Variants in EXT1 observed in about 807,000 individuals in gnomAD.
The protein encoded by EXT1 is exostosin-1.
Under a neutral mutation model 82.5 loss-of-function variants are expected in EXT1, and 20 were observed. The ratio of observed to expected loss-of-function variants is 0.24; its 90% CI spans 0.17 to 0.35. The LOEUF is 0.35. Ranked by LOEUF, EXT1 falls within the 10% of genes least tolerant of loss-of-function variation. The pLI, the probability that EXT1 is intolerant of heterozygous loss-of-function variation, is 1.00. For missense variants in EXT1, 757 were observed against 936.5 expected (o/e 0.81, Z 2.50); for synonymous variants, 348 against 350.8 (o/e 0.99, Z 0.09).
chr8:117,914,643 T>C (rs904627381), intron 1 of EXT1, among the ~76,000 whole-genome samples: 4 of 152,166 alleles, frequency 2.6e-5, no homozygotes, highest in African/African-American at 7.2e-5. Context: ...TCTGGGAATG[T>C]CTATCTTATG....
chr8:117,973,595 C>A lies in EXT1; in HGVS notation c.963-136394G>T, dbSNP rs577271886. Among the ~76,000 whole-genome samples the A allele has an allele frequency of 9.6e-4, 146 of 151,900 alleles. 1 individual carries two copies. The highest frequency in any genetic ancestry group is 3.4e-3 in the African/African-American group (142 of 41,390). On this transcript the variant is annotated intron_variant, in intron 1 of 10. Coordinates refer to ENST00000378204, the MANE Select transcript of EXT1 (RefSeq NM_000127.3). ...ATCAGTCTGGGCAACATAATGAGTC[C>A]CTGACTCCAAAATAATTTAAACATT... is the stretch of plus-strand genomic sequence containing the variant.
At position 118,104,964 on chromosome 8, in the gene EXT1, C is replaced by A. The variant is rs149761465; in HGVS notation, c.962+5121G>T. On this transcript the variant is annotated intron_variant, in intron 1 of 10. Coordinates refer to ENST00000378204, the MANE Select transcript of EXT1 (RefSeq NM_000127.3). ...GTGAGGTAGCAATGAATGTTCTTCT[C>A]TCCGTGAAAAGAACAGACAACTCGG... Among the ~76,000 whole-genome samples the A allele has an allele frequency of 8.0e-4, 122 of 152,312 alleles. 1 individual carries two copies. Among genetic ancestry groups the A allele is most frequent in the East Asian group, 7.1e-3 (37 of 5,186 alleles).
chr8:118,029,040 G>A (rs1816253030), intron 1 of EXT1, among the ~76,000 whole-genome samples: 1 of 152,182 alleles, frequency 6.6e-6, no homozygotes, highest in Admixed American at 6.5e-5. Context: ...TAGTTAGGCA[G>A]TATGTTCTAG....
At chr8:117,934,548 C>T (rs943319176) in intron 1 of EXT1, among the ~76,000 whole-genome samples, 4 of 152,236 alleles carry the variant, frequency 2.6e-5, no homozygotes, top group Admixed American at 6.5e-5. Context: ...GGAGTTGTCA[C>T]GCCCCCTTTC....
At chr8:117,965,993 T>TACACACACACACAC (rs35638588) in intron 1 of EXT1, among the ~76,000 whole-genome samples, 34 of 150,594 alleles carry the variant, frequency 2.3e-4, no homozygotes, top group African/African-American at 7.5e-4. Flanking sequence ...TACATGCATA[T>TACACACACACACAC]ACACACACAC....
chr8:118,070,390 G>A (rs912326136), intron 1 of EXT1, among the ~76,000 whole-genome samples: 4 of 151,730 alleles, frequency 2.6e-5, no homozygotes. Flanking sequence ...GATTTGTTTC[G>A]ATCCCCTCAA....
chr8:117,918,156 T>A (rs1813789917), intron 1 of EXT1, among the ~76,000 whole-genome samples: 1 of 152,212 alleles, frequency 6.6e-6, no homozygotes, highest in Non-Finnish European at 1.5e-5. Context: ...CTACACTGAA[T>A]GTGAAGTTGG....
At chr8:117,905,242 C>T (rs1158023214) in intron 1 of EXT1, among the ~76,000 whole-genome samples, 1 of 152,164 alleles carries the variant, frequency 6.6e-6, no homozygotes, top group East Asian at 1.9e-4. Flanking sequence ...GCTGACATTC[C>T]TGAGCCTTGG....
At position 117,798,825 on chromosome 8, in the gene EXT1, C is replaced by T. The variant is rs1258794793; in HGVS notation, c.*887G>A. 2.6e-5 allele frequency: 4 copies of T among 152,206 alleles called. No homozygotes were observed. The highest frequency in any genetic ancestry group is 6.5e-5 in the Admixed American group (1 of 15,280). The allele number at this position is 152,206 out of a possible 1,614,324, so 9.4% of individuals were successfully genotyped here. A position where few individuals can be genotyped will look rare whatever the true frequency, so the allele number is the denominator to read the frequency against. On this transcript the variant is annotated 3_prime_UTR_variant, in exon 11 of 11. Transcript: ENST00000378204. ...TTCCTTGGCTTCTAAACCAAAGCCT[C>T]TTCCCAGTGCTACGCAGACTTAGGT...
At chr8:117,933,434 C>A (rs1033915716) in intron 1 of EXT1, among the ~76,000 whole-genome samples, 4 of 152,122 alleles carry the variant, frequency 2.6e-5, no homozygotes, top group South Asian at 2.1e-4. Context: ...TTAGTAGAAA[C>A]GGGGTTTCAC....
chr8:117,885,888 C>T (rs564812845), intron 1 of EXT1, among the ~76,000 whole-genome samples: 1 of 152,292 alleles, frequency 6.6e-6, no homozygotes, highest in East Asian at 1.9e-4. Flanking sequence ...TGGACTGCTC[C>T]AGTGGACATT....
At chr8:118,024,586 A>C (rs1031278305) in intron 1 of EXT1, among the ~76,000 whole-genome samples, 5 of 152,246 alleles carry the variant, frequency 3.3e-5, no homozygotes, top group South Asian at 4.1e-4. Context: ...CAGTAGAGGC[A>C]GAAAGATGCT....
At chr8:117,825,086 G>T (rs1223748919) in intron 4 of EXT1, among the ~76,000 whole-genome samples, 1 of 151,892 alleles carries the variant, frequency 6.6e-6, no homozygotes, top group Non-Finnish European at 1.5e-5. Flanking sequence ...TGCTCAGGCT[G>T]GACTCAAACT....
chr8:117,899,792 C>A (rs1045663364), intron 1 of EXT1, among the ~76,000 whole-genome samples: 1 of 152,210 alleles, frequency 6.6e-6, no homozygotes, highest in Non-Finnish European at 1.5e-5. Flanking sequence ...CCTTTCAGGG[C>A]TGGGGAGTCA....
At chr8:118,082,641 A>G (rs1817352079) in intron 1 of EXT1, among the ~76,000 whole-genome samples, 1 of 152,210 alleles carries the variant, frequency 6.6e-6, no homozygotes, top group Non-Finnish European at 1.5e-5. Context: ...ATTTAAGTAA[A>G]TGTGGGGTAT....
At chr8:117,857,161 C>T (rs556205407) in intron 1 of EXT1, among the ~76,000 whole-genome samples, 1 of 152,292 alleles carries the variant, frequency 6.6e-6, no homozygotes, top group African/African-American at 2.4e-5. Flanking sequence ...CGTTCGTTGG[C>T]AAGTCACCTA....
intron 10 of EXT1, among the ~76,000 whole-genome samples, chr8:117,800,695 C>G (rs1002353735): frequency 5.9e-5 from 9 of 152,176 alleles, no homozygotes; most frequent in Admixed American, 2.0e-4. Context: ...TTTTAAAGGG[C>G]AATCAGCCCT....
At chr8:118,106,897 A>T (rs374301916) in intron 1 of EXT1, among the ~76,000 whole-genome samples, 6 of 152,244 alleles carry the variant, frequency 3.9e-5, no homozygotes, top group African/African-American at 1.4e-4. Flanking sequence ...TACAGCTATC[A>T]TAAAAATTGA....
intron 1 of EXT1, among the ~76,000 whole-genome samples, chr8:117,988,447 G>C (rs2129782326): frequency 6.6e-6 from 1 of 152,314 alleles, no homozygotes; most frequent in East Asian, 1.9e-4. Flanking sequence ...AGAGCCTGCA[G>C]TTTTAATAAT....
Sources: gnomAD v4.1 joint callset for allele counts (sites outside exome capture counted in the v4.1 genomes callset) on GRCh38, gnomAD v4.1.1 for gene constraint, MANE v1.5 for transcripts, NCBI Gene and HGNC (gene_info 2026-07-23, HGNC 2026-07-21) for gene names.